The following MYO1A variants were observed in gnomAD, a reference collection of about 807,000 sequenced individuals.
MYO1A encodes unconventional myosin-Ia.
A neutral mutation model predicts 138.5 loss-of-function variants in MYO1A; 127 were observed. The observed-to-expected ratio is 0.92, with a 90% CI of 0.79 to 1.06. The LOEUF is 1.06. Ranked by LOEUF, MYO1A falls within the 50% of genes least tolerant of loss-of-function variation. The pLI is 0.00. For synonymous variants in MYO1A, 477 were observed against 497.5 expected (o/e 0.96, Z 0.55); for missense variants, 1,211 against 1,288.8 (o/e 0.94, Z 0.92).
intron 23 of MYO1A, 75 bp downstream of exon 23, chr12:57,030,965 G>A: frequency 6.4e-7 from 1 of 1,566,146 alleles, no homozygotes; most frequent in South Asian, 1.2e-5. Context: ...AATAGAAGAG[G>A]GAGGCAAAAG....
At chr12:57,041,053 A>T in intron 14 of MYO1A, 131 bp downstream of exon 14, 1 of 722,952 alleles carries the variant, frequency 1.4e-6, no homozygotes, top group Admixed American at 2.0e-5. Context: ...TCTACTATGC[A>T]AGGGAAACAT....
chr12:57,046,422 GA>G, intron 8 of MYO1A, 129 bp downstream of exon 8: 1 of 757,928 alleles, frequency 1.3e-6, no homozygotes, highest in Non-Finnish European at 2.4e-6. Flanking sequence ...ATGCAGCAAG[GA>G]AAATCTGGGA....
intron 14 of MYO1A, among the ~76,000 whole-genome samples, chr12:57,040,071 G>C (rs2030789970): frequency 6.6e-6 from 1 of 152,226 alleles, no homozygotes; most frequent in Admixed American, 6.5e-5. Flanking sequence ...GACGCTCCAG[G>C]CTGGGACATT....
At chr12:57,041,409 G>A (rs2030853335) in intron 13 of MYO1A, 23 bp downstream of exon 13, 10 of 1,606,950 alleles carry the variant, frequency 6.2e-6, no homozygotes, top group Non-Finnish European at 8.5e-6. Flanking sequence ...GGGGAGCAGG[G>A]TGCTGAGGTG....
rs2030091120 is a variant in MYO1A, at chr12:57,028,602, G to T, written c.*153C>A. On this transcript the variant is annotated 3_prime_UTR_variant, in exon 28 of 28. Coordinates refer to ENST00000300119, the MANE Select transcript of MYO1A (RefSeq NM_005379.4). The stretch of plus-strand genomic sequence containing the variant: ...TACTTTTGGAGGAGAGAACAAGAAG[G>T]GTTTGGGACAAGGGTCCTCTTCAAG... 5 of 1,009,358 alleles carry T rather than the reference G, an allele frequency of 5.0e-6. No individual in the cohort carries two copies. Among genetic ancestry groups the T allele is most frequent in the Non-Finnish European group, 5.8e-6 (4 of 688,048 alleles). 62.5% of individuals were successfully genotyped at this position (1,009,358 alleles called of 1,614,324 possible).
At position 57,046,854 on chromosome 12, in the gene MYO1A, G is replaced by C; in HGVS notation, c.541+9C>G. 2 of 1,613,712 alleles carry C rather than the reference G, an allele frequency of 1.2e-6. No homozygotes were observed. The highest frequency in any genetic ancestry group is 1.1e-5 in the South Asian group (1 of 91,072). On this transcript the variant is annotated intron_variant, in intron 7 of 27. Transcript: ENST00000300119. ...GAAGACAGGTGAGTGGAATTGGGGA[G>C]ACACGTACAGTTTGTGATGACACCA...
In MYO1A at chr12:57,028,771, T is replaced by G. The variant is rs1457088870; in HGVS notation, c.3116A>C (p.Glu1039Ala). 1 of 1,614,050 alleles carries G rather than the reference T, an allele frequency of 6.2e-7. No homozygotes were observed. The highest frequency in any genetic ancestry group is 1.3e-5 in the African/African-American group (1 of 74,996). The stretch of plus-strand genomic sequence containing the variant: ...GCCCCCTCCTCACTGCACAGTCACC[T>G]CCAAGCAATGACTCCCCTTTTTTTT... Reference protein sequence around the residue: ...RYKKKGSHCLEVTVQ With the variant: ...RYKKKGSHCLAVTVQ Residue 1039 changes from glutamate to alanine, a missense_variant, in exon 28 of 28, where the codon GAG (glutamate) becomes GCG (alanine). Transcript: ENST00000300119.
intron 10 of MYO1A, 121 bp downstream of exon 10, chr12:57,043,735 G>A (rs2030965689): frequency 7.7e-7 from 1 of 1,299,686 alleles, no homozygotes; most frequent in Non-Finnish European, 1.1e-6. Flanking sequence ...GAGAACTCAG[G>A]AGTGGGCTGA....
At position 57,036,950 on chromosome 12, in the gene MYO1A, C is replaced by T; in HGVS notation, c.2197G>A (p.Gly733Arg). ...TTTGGGGATGACCGTACCATGTTTC[C>T]CCGAAACCAAGAGGAGATGAGGATC... ...SQILISSWFRGNMQKKCYGKI... is the reference protein window; with the variant it reads ...SQILISSWFRRNMQKKCYGKI... The change falls in exon 20 of 28, where the codon GGA (glycine) becomes AGA (arginine). Residue 733 changes from glycine to arginine, a missense_variant. By Grantham distance (125) the Gly-to-Arg change is moderately radical. Coordinates refer to ENST00000300119, the MANE Select transcript of MYO1A (RefSeq NM_005379.4). The T allele has an allele frequency of 1.2e-6, 2 of 1,614,192 alleles. No homozygotes were observed. The highest frequency in any genetic ancestry group is 2.2e-5 in the East Asian group (1 of 44,890).
intron 13 of MYO1A, 65 bp downstream of exon 13, chr12:57,041,367 C>A: frequency 6.3e-7 from 1 of 1,579,278 alleles, no homozygotes; most frequent in Non-Finnish European, 8.7e-7. Flanking sequence ...TCCCTCACAT[C>A]CCCCCTGTGA....
chr12:57,037,203 C>T lies in MYO1A; in HGVS notation c.2056-112G>A, dbSNP rs1056467842. The T allele has an allele frequency of 5.3e-6, 7 of 1,313,226 alleles. No homozygotes were observed. The African/African-American group carries it at 1.0e-4, about 19-fold the overall frequency. The allele number at this position is 1,313,226 out of a possible 1,614,324, so 81.3% of individuals were successfully genotyped here. ...CCAGCCAGGCCTTATTTGATCATTC[C>T]TTTGTCTTCTTAGTTTGCTCATTTA... is the stretch of plus-strand genomic sequence containing the variant. On this transcript the variant is annotated intron_variant, in intron 19 of 27. Coordinates refer to ENST00000300119, the MANE Select transcript of MYO1A (RefSeq NM_005379.4).
At position 57,043,990 on chromosome 12, in the gene MYO1A, A is replaced by G; in HGVS notation, c.758T>C (p.Val253Ala). The change falls in exon 10 of 28, where the codon GTG becomes GCG. Residue 253 changes from valine to alanine, a missense_variant. Physicochemically the swap from Val to Ala is moderately conservative, Grantham distance 64. Coordinates refer to ENST00000300119, the MANE Select transcript of MYO1A (RefSeq NM_005379.4). ...AATCTCCTCCTCCGAGAACCCAATCACTGCCATTGCACTCTTAGGCAGAAA... is the reference window on the plus strand; with the variant it reads ...AATCTCCTCCTCCGAGAACCCAATCGCTGCCATTGCACTCTTAGGCAGAAA... ...SFRAVQSAMA[V>A]IGFSEEEIRQ... 6.2e-7 allele frequency: 1 copy of G among 1,614,134 alleles called. No individual in the cohort carries two copies. The highest frequency in any genetic ancestry group is 8.5e-7 in the Non-Finnish European group (1 of 1,180,010).
In MYO1A at chr12:57,028,723, A is replaced by G; in HGVS notation, c.*32T>C. ...GGGGATTAGTGCTGGTTCAGGAGGA[A>G]GCAACTGCCATCTCTGCATGGTGCC... On this transcript the variant is annotated 3_prime_UTR_variant, in exon 28 of 28. Coordinates refer to ENST00000300119, the MANE Select transcript of MYO1A (RefSeq NM_005379.4). 7 of 1,613,058 alleles carry G rather than the reference A, an allele frequency of 4.3e-6. No individual in the cohort carries two copies. The highest frequency in any genetic ancestry group is 1.7e-4 in the Middle Eastern group (1 of 6,058).
chr12:57,048,461 AAG>A, intron 1 of MYO1A, 118 bp from the exon 2 acceptor site: 2 of 723,530 alleles, frequency 2.8e-6, no homozygotes, highest in East Asian at 5.4e-5. Flanking sequence ...CCTGGCCCTA[AAG>A]AGAGCCCCCA....
intron 15 of MYO1A, 82 bp downstream of exon 15, chr12:57,039,130 G>A: frequency 1.3e-6 from 2 of 1,564,268 alleles, no homozygotes; most frequent in South Asian, 2.2e-5. Context: ...CTACCAAGTG[G>A]GGAATCAGGG....
Position 57,043,868 on chromosome 12 carries a change from G to A in MYO1A, c.880C>T (p.Arg294Cys), listed in dbSNP as rs555972627. 102 of 1,614,076 alleles carry A rather than the reference G, an allele frequency of 6.3e-5. No homozygotes were observed. The highest frequency in any genetic ancestry group is 7.7e-5 in the South Asian group (7 of 91,072). The change falls in exon 10 of 28, where the codon CGT becomes TGT. Residue 294 changes from arginine (R) to cysteine (C), a missense_variant. By Grantham distance (180) the Arg-to-Cys change is radical (BLOSUM62 -3). Coordinates refer to ENST00000300119, the MANE Select transcript of MYO1A (RefSeq NM_005379.4). ...QASGIPASGI[R>C]DGRGVREIGE... ...CTGGGATGCAGACCTCTCCCATCAC[G>A]GATGCCACTTGCTGGTATCCCACTG...
rs1301619088 is a variant in MYO1A, at chr12:57,037,866, T to A, written c.1961+3A>T. ...GATGCCCAGTCTCCCCATGGGGTCT[T>A]ACCGGTCTCCCCCATTCCAGTGAGG... is the stretch of plus-strand genomic sequence containing the variant. On this transcript the variant is annotated splice_donor_region_variant and intron_variant, in intron 18 of 27. Transcript: ENST00000300119. 3 of 1,613,744 alleles carry A rather than the reference T, an allele frequency of 1.9e-6. No homozygotes were observed. The highest frequency in any genetic ancestry group is 2.2e-5 in the South Asian group (2 of 91,050).
At position 57,029,623 on chromosome 12, in the gene MYO1A, G is replaced by A. The variant is rs75239044; in HGVS notation, c.2725-36C>T. The A allele has an allele frequency of 2.5e-6, 4 of 1,614,128 alleles. No individual in the cohort carries two copies. In the East Asian group the frequency reaches 6.7e-5, roughly 27 times the overall value. On this transcript the variant is annotated intron_variant, in intron 25 of 27. Transcript: ENST00000300119. ...AACAGGCAAGGGTGAGGAAAGGCAGGATTAATTGCCCCCACTCCACCTGGC... is the reference window on the plus strand; with the variant it reads ...AACAGGCAAGGGTGAGGAAAGGCAGAATTAATTGCCCCCACTCCACCTGGC...
chr12:57,035,519 T>C (rs75714899), intron 22 of MYO1A, among the ~76,000 whole-genome samples: 301 of 152,322 alleles, frequency 2.0e-3, no homozygotes, highest in Non-Finnish European at 3.5e-3. Context: ...GTCCTAACTA[T>C]GGTCAAAAAC....
Sources: gnomAD v4.1 joint callset for allele counts (sites outside exome capture counted in the v4.1 genomes callset) on GRCh38, gnomAD v4.1.1 for gene constraint, MANE v1.5 for transcripts, NCBI Gene and HGNC (gene_info 2026-07-23, HGNC 2026-07-21) for gene names.